NKAIN3: variants seen among roughly 807,000 people sequenced by gnomAD.
The protein encoded by NKAIN3 is sodium/potassium-transporting ATPase subunit beta-1-interacting protein 3.
NKAIN3 carries 25 observed loss-of-function variants against 30.2 expected under a neutral mutation model. The observed-to-expected ratio is 0.83, with a 90% CI of 0.60 to 1.16. The LOEUF is 1.16. Among genes scored for constraint, NKAIN3 ranks in the 50% most tolerant of loss-of-function variants. The pLI is 0.00. For missense variants in NKAIN3, 225 were observed against 254.1 expected (o/e 0.89, Z 0.78); for synonymous variants, 91 against 89.6 (o/e 1.02, Z -0.09).
In NKAIN3 at chr8:62,589,695, C is replaced by A. The variant is rs1357504266; in HGVS notation, c.193-19C>A. The A allele has an allele frequency of 2.2e-5, 28 of 1,252,592 alleles. No individual in the cohort carries two copies. Among genetic ancestry groups the A allele is most frequent in the Non-Finnish European group, 3.0e-5 (26 of 873,272 alleles). 77.6% of individuals were successfully genotyped at this position (1,252,592 alleles called of 1,614,324 possible). A position where few individuals can be genotyped will look rare whatever the true frequency, so the allele number is the denominator to read the frequency against. On this transcript the variant is annotated intron_variant, in intron 2 of 6. Transcript: ENST00000623646. ...CTCCATATTTTTCTTCTCTTTCTCC[C>A]TCCCCCATTTCTATCTAGTATACAG... is the stretch of plus-strand genomic sequence containing the variant.
intron 1 of NKAIN3, among the ~76,000 whole-genome samples, chr8:62,491,754 G>T (rs1465848997): frequency 3.9e-5 from 6 of 152,122 alleles, no homozygotes; most frequent in South Asian, 2.1e-4. Flanking sequence ...CTAGGTTAAA[G>T]AGAATTACTC....
chr8:62,940,857 A>G (rs1165808068), intron 5 of NKAIN3, among the ~76,000 whole-genome samples: 1 of 152,090 alleles, frequency 6.6e-6, no homozygotes, highest in African/African-American at 2.4e-5. Flanking sequence ...CACCTGAAGG[A>G]GCTAGAGAAA....
At chr8:62,412,598 A>G (rs539678578) in intron 1 of NKAIN3, among the ~76,000 whole-genome samples, 1 of 152,178 alleles carries the variant, frequency 6.6e-6, no homozygotes, top group African/African-American at 2.4e-5. Context: ...CAATAAGCAA[A>G]AAACAAATAA....
intron 5 of NKAIN3, among the ~76,000 whole-genome samples, chr8:62,946,143 A>T (rs1417437873): frequency 6.6e-6 from 1 of 152,208 alleles, no homozygotes; most frequent in Non-Finnish European, 1.5e-5. Flanking sequence ...TAAAGAAAAC[A>T]ACCATAAATA....
rs371155457 is a variant in NKAIN3 at position 62,585,836 on chromosome 8, G to A, written c.193-3878G>A. Among the ~76,000 whole-genome samples, 108 of 152,242 alleles carry A rather than the reference G, an allele frequency of 7.1e-4. 1 individual carries two copies. The Middle Eastern group carries it at 0.02, about 29-fold the overall frequency. ...TGAAATCATATTTACCCTTCACAAA[G>A]CATTGTTGTAGAATCAGTTATTTCC... On this transcript the variant is annotated intron_variant, in intron 2 of 6. Transcript: ENST00000623646.
intron 1 of NKAIN3, among the ~76,000 whole-genome samples, chr8:62,546,800 T>C (rs1170613819): frequency 6.6e-6 from 1 of 152,178 alleles, no homozygotes; most frequent in Non-Finnish European, 1.5e-5. Context: ...ATTGTAGATG[T>C]TTAGGGCTTG....
chr8:62,722,082 A>C (rs1815111414), intron 3 of NKAIN3, among the ~76,000 whole-genome samples: 1 of 152,220 alleles, frequency 6.6e-6, no homozygotes, highest in Admixed American at 6.5e-5. Flanking sequence ...AGAAAAGAGG[A>C]TGTTTTAAGA....
chr8:62,902,131 C>T (rs1369254631), intron 4 of NKAIN3, among the ~76,000 whole-genome samples: 1 of 152,108 alleles, frequency 6.6e-6, no homozygotes, highest in Non-Finnish European at 1.5e-5. Flanking sequence ...ATGCATACAA[C>T]CTGGAGATGA....
chr8:62,249,672 AG>A (rs1188013472), intron 1 of NKAIN3, among the ~76,000 whole-genome samples: 2 of 152,142 alleles, frequency 1.3e-5, no homozygotes, highest in Non-Finnish European at 2.9e-5. Flanking sequence ...TGGGACCTCC[AG>A]GAAGGAGATC....
chr8:62,663,097 G>T (rs532920022), intron 3 of NKAIN3, among the ~76,000 whole-genome samples: 1 of 152,210 alleles, frequency 6.6e-6, no homozygotes, highest in Admixed American at 6.5e-5. Flanking sequence ...ATGGGAAGGC[G>T]TAAGAAAGGG....
At chr8:62,928,801 G>T (rs1471821772) in intron 5 of NKAIN3, among the ~76,000 whole-genome samples, 1 of 152,310 alleles carries the variant, frequency 6.6e-6, no homozygotes, top group Admixed American at 6.5e-5. Context: ...CTCAGAGAAA[G>T]GTTGACCATA....
intron 1 of NKAIN3, among the ~76,000 whole-genome samples, chr8:62,495,772 C>CTTT (rs1209761748): frequency 4.6e-5 from 7 of 152,060 alleles, no homozygotes; most frequent in Non-Finnish European, 1.0e-4. Context: ...ACTTTCTGAA[C>CTTT]TGAGTCCTAA....
At chr8:62,400,463 C>T (rs1817904548) in intron 1 of NKAIN3, among the ~76,000 whole-genome samples, 1 of 152,094 alleles carries the variant, frequency 6.6e-6, no homozygotes, top group African/African-American at 2.4e-5. Flanking sequence ...TGAGTCATGA[C>T]ACCTGGTCAA....
chr8:62,359,291 T>C (rs1408616110), intron 1 of NKAIN3, among the ~76,000 whole-genome samples: 1 of 152,238 alleles, frequency 6.6e-6, no homozygotes. Context: ...ATAAATACCA[T>C]CCTTTTTATG....
chr8:62,820,922 G>A (rs1156261283), intron 4 of NKAIN3, among the ~76,000 whole-genome samples: 2 of 152,152 alleles, frequency 1.3e-5, no homozygotes, highest in East Asian at 3.9e-4. Context: ...AATTATCTTT[G>A]TGCTATTTGC....
chr8:62,314,354 T>A (rs1001437719), intron 1 of NKAIN3, among the ~76,000 whole-genome samples: 20 of 152,186 alleles, frequency 1.3e-4, no homozygotes, highest in Non-Finnish European at 1.3e-4. Context: ...CTGTGTAACC[T>A]GGAGTGCCAT....
At chr8:62,558,081 T>C (rs1809463274) in intron 1 of NKAIN3, among the ~76,000 whole-genome samples, 1 of 152,172 alleles carries the variant, frequency 6.6e-6, no homozygotes, top group South Asian at 2.1e-4. Flanking sequence ...AGTTGATTTT[T>C]GTGTAAGGTG....
Position 62,749,490 on chromosome 8 carries a change from G to C in NKAIN3, c.471+2361G>C, listed in dbSNP as rs186143356. 1.6e-3 allele frequency among the ~76,000 whole-genome samples: 250 copies of C among 151,964 alleles called. 1 individual carries two copies. The highest frequency in any genetic ancestry group is 5.9e-3 in the African/African-American group (243 of 41,460). ...TAGTTGCTGCTCACTGACTTTTCTT[G>C]GAACACACCTGCAGGACAAGATTTT... is the stretch of plus-strand genomic sequence containing the variant. On this transcript the variant is annotated intron_variant, in intron 4 of 6. Coordinates refer to ENST00000623646, the MANE Select transcript of NKAIN3 (RefSeq NM_001304533.3).
At chr8:62,933,155 T>G (rs1324280793) in intron 5 of NKAIN3, among the ~76,000 whole-genome samples, 1 of 152,184 alleles carries the variant, frequency 6.6e-6, no homozygotes, top group Non-Finnish European at 1.5e-5. Flanking sequence ...CAAATTCAGT[T>G]TTCTTTGAAC....
Sources: gnomAD v4.1 joint callset for allele counts (sites outside exome capture counted in the v4.1 genomes callset) on GRCh38, gnomAD v4.1.1 for gene constraint, MANE v1.5 for transcripts, NCBI Gene and HGNC (gene_info 2026-07-23, HGNC 2026-07-21) for gene names.